Variants in KLF7 observed in about 807,000 individuals in gnomAD.
The protein encoded by KLF7 is Krueppel-like factor 7.
Under a neutral mutation model 27.3 loss-of-function variants are expected in KLF7, and 2 were observed. That is an observed-to-expected ratio of 0.07 (90% confidence interval 0.03 to 0.23). The LOEUF (loss-of-function observed/expected upper bound fraction) is 0.23. Among genes scored for constraint, KLF7 ranks in the 10% least tolerant of loss-of-function variants. The pLI, the probability that KLF7 is intolerant of heterozygous loss-of-function variation, is 1.00. For synonymous variants in KLF7, 165 were observed against 162.4 expected, an observed-to-expected ratio of 1.02 and a Z score of -0.12; for missense variants, 221 against 394.1, an observed-to-expected ratio of 0.56 and a Z score of 3.72.
At position 207,074,967 on chromosome 2, in the gene KLF7, A is replaced by G. The variant is rs1277645239; in HGVS notation, c.*6246T>C. On this transcript the variant is annotated 3_prime_UTR_variant, in exon 4 of 4. Transcript: ENST00000309446. ...TTCCCAAACGAAGATAACCTAATAC[A>G]ACCTTTTGCTTTCCCTTTCTCCAAG... 6.6e-6 allele frequency: 1 copy of G among 152,112 alleles called. No homozygotes were observed. Among genetic ancestry groups the G allele is most frequent in the Non-Finnish European group, 1.5e-5 (1 of 68,012 alleles). The allele number at this position is 152,112 out of a possible 1,614,324, so 9.4% of individuals were successfully genotyped here. A position where few individuals can be genotyped will look rare whatever the true frequency, so the allele number is the denominator to read the frequency against.
upstream of KLF7, chr2:207,167,315 T>C: frequency 2.3e-6 from 1 of 433,692 alleles, no homozygotes; most frequent in Non-Finnish European, 3.8e-6. Flanking sequence ...ATGGTTAGTG[T>C]GGTTTAAGCT....
intron 1 of KLF7, among the ~76,000 whole-genome samples, chr2:207,152,291 ACACACACACACACACACACG>A (rs1040310302): frequency 2.0e-4 from 2 of 10,228 alleles, no homozygotes; most frequent in Non-Finnish European, 0.015. Context: ...ACACACACAC[ACACACACACACACACACACG>A]GAGTTTTTAC....
intron 2 of KLF7, among the ~76,000 whole-genome samples, chr2:207,091,385 A>C (rs1459269264): frequency 6.6e-6 from 1 of 152,212 alleles, no homozygotes; most frequent in Non-Finnish European, 1.5e-5. Context: ...AACTGCAGAT[A>C]GCTTGACTTA....
At chr2:207,116,607 C>G (rs1397462387) in intron 2 of KLF7, among the ~76,000 whole-genome samples, 3 of 152,048 alleles carry the variant, frequency 2.0e-5, no homozygotes, top group African/African-American at 7.3e-5. Context: ...TAACCATGAT[C>G]ATGACGGTAA....
At chr2:207,089,993 C>T (rs1228990766) in intron 2 of KLF7, among the ~76,000 whole-genome samples, 1 of 152,192 alleles carries the variant, frequency 6.6e-6, no homozygotes, top group Non-Finnish European at 1.5e-5. Flanking sequence ...CTTCTTTCCA[C>T]CTTTCCCCTT....
intron 2 of KLF7, among the ~76,000 whole-genome samples, chr2:207,089,915 T>C (rs1263619): frequency 6.6e-6 from 1 of 151,984 alleles, no homozygotes. Flanking sequence ...TCCCCAGTTT[T>C]AAAAGCTAAA....
intron 2 of KLF7, among the ~76,000 whole-genome samples, chr2:207,089,818 G>C (rs1206194711): frequency 6.6e-6 from 1 of 152,122 alleles, no homozygotes; most frequent in East Asian, 1.9e-4. Flanking sequence ...GCATATGTAA[G>C]AGTCACATAA....
At chr2:207,131,599 A>AATTTT (rs1259907096) in intron 1 of KLF7, among the ~76,000 whole-genome samples, 3 of 152,224 alleles carry the variant, frequency 2.0e-5, no homozygotes, top group African/African-American at 7.2e-5. Context: ...TTTTAGCAAA[A>AATTTT]AAGGCAGATT....
intron 3 of KLF7, among the ~76,000 whole-genome samples, chr2:207,084,708 T>C (rs1053571292): frequency 6.6e-6 from 1 of 152,204 alleles, no homozygotes; most frequent in African/African-American, 2.4e-5. Flanking sequence ...ACTTGGCATC[T>C]AGAAGTGCAG....
intron 3 of KLF7, 41 bp from the exon 4 acceptor site, chr2:207,081,305 C>A (rs1361451875): frequency 2.0e-6 from 3 of 1,512,448 alleles, no homozygotes; most frequent in African/African-American, 1.4e-5. Context: ...GAACTCCCAG[C>A]AAACAGCTTG....
At chr2:207,107,570 C>G (rs2076912417) in intron 2 of KLF7, among the ~76,000 whole-genome samples, 1 of 152,184 alleles carries the variant, frequency 6.6e-6, no homozygotes, top group African/African-American at 2.4e-5. Flanking sequence ...TATTTTATAA[C>G]TGCTGTTTTC....
chr2:207,089,163 A>G (rs1325678790), intron 2 of KLF7, among the ~76,000 whole-genome samples: 1 of 152,220 alleles, frequency 6.6e-6, no homozygotes. Flanking sequence ...AAGGTCTACA[A>G]TTTCAGAGTA....
intron 1 of KLF7, among the ~76,000 whole-genome samples, chr2:207,142,031 A>C (rs1420902670): frequency 1.3e-5 from 2 of 151,986 alleles, no homozygotes; most frequent in African/African-American, 2.4e-5. Flanking sequence ...AAGAATGAGA[A>C]ATCTGTAGAG....
At chr2:207,100,088 G>A (rs1228843617) in intron 2 of KLF7, among the ~76,000 whole-genome samples, 1 of 152,142 alleles carries the variant, frequency 6.6e-6, no homozygotes. Context: ...AGTAAGCTGT[G>A]GTTGCACCAC....
intron 2 of KLF7, among the ~76,000 whole-genome samples, chr2:207,089,108 G>A (rs2076453750): frequency 1.3e-5 from 2 of 152,268 alleles, no homozygotes; most frequent in Non-Finnish European, 2.9e-5. Context: ...GTCTCCCAGA[G>A]CCACCGTTCC....
chr2:207,088,610 C>A, intron 2 of KLF7, 29 bp from the exon 3 acceptor site: 1 of 1,608,148 alleles, frequency 6.2e-7, no homozygotes, highest in South Asian at 1.1e-5. Context: ...GGACCGTGGT[C>A]AGCAGCAGGA....
At chr2:207,150,580 T>C (rs991375168) in intron 1 of KLF7, among the ~76,000 whole-genome samples, 2 of 152,234 alleles carry the variant, frequency 1.3e-5, no homozygotes, top group African/African-American at 4.8e-5. Flanking sequence ...ATATAGCATT[T>C]GATTAGAGCA....
At chr2:207,109,170 A>G (rs2076962307) in intron 2 of KLF7, among the ~76,000 whole-genome samples, 1 of 152,244 alleles carries the variant, frequency 6.6e-6, no homozygotes, top group African/African-American at 2.4e-5. Context: ...CATCTTCAAA[A>G]CCAGCTTTCT....
At chr2:207,091,494 AT>A (rs1176238599) in intron 2 of KLF7, among the ~76,000 whole-genome samples, 3 of 152,176 alleles carry the variant, frequency 2.0e-5, no homozygotes, top group African/African-American at 7.2e-5. Context: ...TATTTTAGCC[AT>A]GTTACTATTA....
Sources: gnomAD v4.1 joint callset for allele counts (sites outside exome capture counted in the v4.1 genomes callset) on GRCh38, gnomAD v4.1.1 for gene constraint, MANE v1.5 for transcripts, NCBI Gene and HGNC (gene_info 2026-07-23, HGNC 2026-07-21) for gene names.